ATF7IP: variants seen among roughly 807,000 people sequenced by gnomAD.
The protein encoded by ATF7IP is activating transcription factor 7 interacting protein, also known as activating transcription factor 7-interacting protein 1.
In ATF7IP, 23 loss-of-function variants were observed where a neutral mutation model predicts 106.4. The observed-to-expected ratio is 0.22, with a 90% CI of 0.16 to 0.31. The LOEUF is 0.31. ATF7IP is among the 10% of genes least tolerant of loss of function. ATF7IP has a pLI of 1.00. For synonymous variants in ATF7IP, 542 were observed against 539.0 expected (o/e 1.01, Z -0.08); for missense variants, 1,334 against 1,524.3 (o/e 0.88, Z 2.08).
At chr12:14,405,550 G>A (rs1394571381) in intron 1 of ATF7IP, among the ~76,000 whole-genome samples, 1 of 151,648 alleles carries the variant, frequency 6.6e-6, no homozygotes, top group Non-Finnish European at 1.5e-5. Flanking sequence ...GAGTAGCTGG[G>A]ACCACAGGTG....
intron 5 of ATF7IP, among the ~76,000 whole-genome samples, chr12:14,443,378 A>G (rs1425743641): frequency 6.6e-6 from 1 of 151,826 alleles, no homozygotes; most frequent in Non-Finnish European, 1.5e-5. Flanking sequence ...CTAGCACAAG[A>G]AGAGAAAAAA....
intron 13 of ATF7IP, among the ~76,000 whole-genome samples, chr12:14,488,448 C>G (rs1944699341): frequency 6.6e-6 from 1 of 152,078 alleles, no homozygotes; most frequent in South Asian, 2.1e-4. Flanking sequence ...CTAAGCCTGT[C>G]TCTCCTTTTC....
intron 13 of ATF7IP, among the ~76,000 whole-genome samples, chr12:14,486,137 T>G (rs575208519): frequency 6.6e-6 from 1 of 152,186 alleles, no homozygotes; most frequent in Admixed American, 6.5e-5. Context: ...ATTTTGGCAC[T>G]GGGGAAATGA....
intron 1 of ATF7IP, among the ~76,000 whole-genome samples, chr12:14,400,985 G>T (rs894795407): frequency 1.3e-5 from 2 of 151,882 alleles, no homozygotes; most frequent in East Asian, 3.9e-4. Flanking sequence ...TTCACTAATA[G>T]ATTTTCTTTT....
At chr12:14,392,129 G>T (rs984869001) in intron 1 of ATF7IP, among the ~76,000 whole-genome samples, 2 of 152,126 alleles carry the variant, frequency 1.3e-5, no homozygotes, top group Non-Finnish European at 2.9e-5. Flanking sequence ...TAATATTGGG[G>T]TTTAAATGAG....
In ATF7IP at chr12:14,456,644, C is replaced by T; in HGVS notation, c.2069+10C>T. The T allele has an allele frequency of 6.3e-7, 1 of 1,578,852 alleles. No individual in the cohort carries two copies. The highest frequency in any genetic ancestry group is 8.7e-7 in the Non-Finnish European group (1 of 1,151,080). The stretch of plus-strand genomic sequence containing the variant: ...ATAACATGTCTTACAGGTGAGAATT[C>T]ATAGTCTGTCTAGTTTTTAAAAACA... On this transcript the variant is annotated intron_variant, in intron 7 of 14. Coordinates refer to ENST00000261168, the MANE Select transcript of ATF7IP (RefSeq NM_018179.5).
chr12:14,379,218 G>C (rs560846966), intron 1 of ATF7IP, among the ~76,000 whole-genome samples: 21 of 152,210 alleles, frequency 1.4e-4, no homozygotes, highest in Admixed American at 6.5e-4. Flanking sequence ...CATTTAAATA[G>C]TGTGTAGCAC....
At position 14,502,676 on chromosome 12, in the gene ATF7IP, T is replaced by C. The variant is rs1039803406; in HGVS notation, c.*4603T>C. Reference sequence around the variant, plus strand: ...TAAGAAACTTGCATCCTAATTTTTCTTTATTGCAATTGAAAGTGTAAATAA... The same window carrying C: ...TAAGAAACTTGCATCCTAATTTTTCCTTATTGCAATTGAAAGTGTAAATAA... On this transcript the variant is annotated 3_prime_UTR_variant, in exon 15 of 15. Coordinates refer to ENST00000261168, the MANE Select transcript of ATF7IP (RefSeq NM_018179.5). 4 of 152,210 alleles carry C rather than the reference T, an allele frequency of 2.6e-5. No homozygotes were observed. Among genetic ancestry groups the C allele is most frequent in the Non-Finnish European group, 5.9e-5 (4 of 68,032 alleles). The allele number at this position is 152,210 out of a possible 1,614,324, so 9.4% of individuals were successfully genotyped here.
At chr12:14,388,549 G>C (rs1939373279) in intron 1 of ATF7IP, among the ~76,000 whole-genome samples, 1 of 152,136 alleles carries the variant, frequency 6.6e-6, no homozygotes, top group Admixed American at 6.5e-5. Context: ...GTTTCATTAT[G>C]TTGGCTAGGC....
intron 13 of ATF7IP, among the ~76,000 whole-genome samples, chr12:14,483,746 G>A (rs1565551352): frequency 6.6e-6 from 1 of 152,030 alleles, no homozygotes; most frequent in Admixed American, 6.5e-5. Context: ...CCCCAGCCCT[G>A]CAAAATACTG....
chr12:14,401,714 C>CTTTTTT lies in ATF7IP; in HGVS notation c.-7-22179_-7-22174dup, dbSNP rs3083699. The stretch of plus-strand genomic sequence containing the variant: ...AGCATTGTTTCACTTAGAGATTAAG[C>CTTTTTT]TTTTTTTTTTTTTTTTTTTTTGATA... On this transcript the variant is annotated intron_variant, in intron 1 of 14. Coordinates refer to ENST00000261168, the MANE Select transcript of ATF7IP (RefSeq NM_018179.5). Among the ~76,000 whole-genome samples the CTTTTTT allele has an allele frequency of 2.0e-3, 150 of 76,904 alleles. 2 individuals are homozygous for CTTTTTT. Among genetic ancestry groups the CTTTTTT allele is most frequent in the Middle Eastern group, 0.011 (1 of 88 alleles). 50.5% of individuals were successfully genotyped at this position (76,904 alleles called of 152,430 possible).
At chr12:14,375,097 C>T (rs1308306988) in intron 1 of ATF7IP, among the ~76,000 whole-genome samples, 1 of 150,968 alleles carries the variant, frequency 6.6e-6, no homozygotes, top group African/African-American at 2.4e-5. Context: ...TCAATAAATA[C>T]TTGCTTATTG....
At chr12:14,495,329 G>A (rs1944981206) in intron 13 of ATF7IP, among the ~76,000 whole-genome samples, 1 of 152,208 alleles carries the variant, frequency 6.6e-6, no homozygotes, top group African/African-American at 2.4e-5. Context: ...TTTGCAAAAT[G>A]TGACAGCAAG....
At chr12:14,373,553 G>A (rs1245836996) in intron 1 of ATF7IP, among the ~76,000 whole-genome samples, 1 of 152,126 alleles carries the variant, frequency 6.6e-6, no homozygotes, top group Admixed American at 6.6e-5. Flanking sequence ...TATTTAGCTG[G>A]GAAAGGAAGT....
At chr12:14,453,621 TTGAG>T (rs893153137) in intron 6 of ATF7IP, among the ~76,000 whole-genome samples, 67 of 152,048 alleles carry the variant, frequency 4.4e-4, no homozygotes, top group African/African-American at 1.6e-3. Flanking sequence ...TTTCACCTAA[TTGAG>T]TATCTTTTTT....
chr12:14,369,578 T>C (rs1565465961), intron 1 of ATF7IP, among the ~76,000 whole-genome samples: 1 of 152,204 alleles, frequency 6.6e-6, no homozygotes, highest in Non-Finnish European at 1.5e-5. Flanking sequence ...CCTGAGGTGA[T>C]CTGCCTGCCT....
chr12:14,444,161 G>T (rs1942844541), intron 5 of ATF7IP, among the ~76,000 whole-genome samples: 1 of 152,080 alleles, frequency 6.6e-6, no homozygotes, highest in Non-Finnish European at 1.5e-5. Flanking sequence ...ACATTCCGTT[G>T]GTTATGACTT....
At chr12:14,457,348 G>C in intron 8 of ATF7IP, 53 bp downstream of exon 8, 2 of 1,293,662 alleles carry the variant, frequency 1.5e-6, no homozygotes, top group South Asian at 1.3e-5. Context: ...TAAAGGCTTT[G>C]GTTCTCTTTT....
chr12:14,482,895 A>C (rs1254961262), intron 13 of ATF7IP, among the ~76,000 whole-genome samples: 2 of 152,208 alleles, frequency 1.3e-5, no homozygotes, highest in Non-Finnish European at 1.5e-5. Context: ...GAAACACACC[A>C]ATCCCCAAGC....
Sources: allele counts gnomAD v4.1 joint callset (sites outside exome capture counted in the v4.1 genomes callset), GRCh38; gene constraint gnomAD v4.1.1; transcripts MANE v1.5; gene names NCBI Gene and HGNC (gene_info 2026-07-23, HGNC 2026-07-21).